The following TTK variants were observed in gnomAD, a reference collection of about 807,000 sequenced individuals.
TTK encodes TTK protein kinase.
Under a neutral mutation model 117.3 loss-of-function variants are expected in TTK, and 59 were observed. The observed-to-expected ratio is 0.50, with a 90% CI of 0.41 to 0.62. The LOEUF is 0.62. TTK is among the 20% of genes least tolerant of loss of function. TTK has a pLI of 0.00. For missense variants in TTK, 921 were observed against 989.4 expected (o/e 0.93, Z 0.93); for synonymous variants, 302 against 325.0 (o/e 0.93, Z 0.76).
At chr6:80,005,707 C>G (rs879804568) in intron 1 of TTK, 135 bp from the exon 2 acceptor site, 7 of 912,774 alleles carry the variant, frequency 7.7e-6, no homozygotes, top group Non-Finnish European at 1.2e-5. Flanking sequence ...TCCATTAATA[C>G]TAGCCTAATA....
intron 11 of TTK, among the ~76,000 whole-genome samples, chr6:80,023,137 A>G (rs189759810): frequency 2.3e-3 from 354 of 152,352 alleles, no homozygotes; most frequent in African/African-American, 8.1e-3. Flanking sequence ...TAGTAAATAT[A>G]GTAAAGGCTT....
At chr6:80,028,480 GC>G (rs1300329203) in intron 13 of TTK, among the ~76,000 whole-genome samples, 1 of 151,676 alleles carries the variant, frequency 6.6e-6, no homozygotes, top group African/African-American at 2.4e-5. Flanking sequence ...ACCACACCTG[GC>G]TAATTTTTGT....
intron 12 of TTK, 126 bp from the exon 13 acceptor site, chr6:80,027,759 A>T (rs1158641843): frequency 3.2e-6 from 2 of 624,706 alleles, no homozygotes; most frequent in Non-Finnish European, 4.9e-6. Context: ...TATATCATGA[A>T]AACTAACTTG....
chr6:80,013,645 T>A lies in TTK; in HGVS notation c.984+279T>A, dbSNP rs889447094. 7.4e-5 allele frequency: 16 copies of A among 214,980 alleles called. 1 individual carries two copies. In the South Asian group the frequency reaches 2.3e-3, roughly 31 times the overall value. The allele number at this position is 214,980 out of a possible 1,614,324, so 13.3% of individuals were successfully genotyped here. A position where few individuals can be genotyped will look rare whatever the true frequency, so the allele number is the denominator to read the frequency against. On this transcript the variant is annotated intron_variant, in intron 9 of 21. Coordinates refer to ENST00000369798, the MANE Select transcript of TTK (RefSeq NM_003318.5). Reference sequence around the variant, plus strand: ...CACGTGTTTAAGCAGATAGTTGGCCTGGGTTTGGGAATACGTGACTGGGGG... The same window carrying A: ...CACGTGTTTAAGCAGATAGTTGGCCAGGGTTTGGGAATACGTGACTGGGGG...
chr6:80,006,370 G>T (rs1766994994), intron 2 of TTK, among the ~76,000 whole-genome samples: 1 of 152,278 alleles, frequency 6.6e-6, no homozygotes. Flanking sequence ...ATGAGGAATT[G>T]AAAATAAATG....
intron 11 of TTK, 132 bp from the exon 12 acceptor site, chr6:80,026,246 G>A: frequency 1.1e-6 from 1 of 895,226 alleles, no homozygotes; most frequent in Non-Finnish European, 1.6e-6. Flanking sequence ...GTATATATAT[G>A]CCTATCTCTT....
chr6:80,007,398 A>G (rs1291812608), intron 2 of TTK, among the ~76,000 whole-genome samples: 2 of 152,142 alleles, frequency 1.3e-5, no homozygotes, highest in African/African-American at 4.8e-5. Context: ...TGAATAAATC[A>G]TTGATGGGAG....
chr6:80,039,632 T>C, intron 18 of TTK, 64 bp from the exon 19 acceptor site: 4 of 1,242,846 alleles, frequency 3.2e-6, no homozygotes, highest in Non-Finnish European at 4.3e-6. Context: ...ATTTAATATA[T>C]ATGTTTTTTC....
chr6:80,028,759 A>G (rs1034596951), intron 13 of TTK, among the ~76,000 whole-genome samples: 2 of 152,204 alleles, frequency 1.3e-5, no homozygotes, highest in African/African-American at 4.8e-5. Flanking sequence ...TTATACTAAT[A>G]ACTAAACTAA....
At chr6:80,015,568 C>G (rs1430213673) in intron 10 of TTK, among the ~76,000 whole-genome samples, 1 of 152,100 alleles carries the variant, frequency 6.6e-6, no homozygotes, top group African/African-American at 2.4e-5. Context: ...CAAACGGGGA[C>G]ACACACAAAA....
At chr6:80,017,580 A>G (rs887225999) in intron 10 of TTK, among the ~76,000 whole-genome samples, 1 of 152,108 alleles carries the variant, frequency 6.6e-6, no homozygotes, top group Admixed American at 6.6e-5. Context: ...CACCAGGCCT[A>G]ATGCTCTCTT....
intron 20 of TTK, 137 bp from the exon 21 acceptor site, chr6:80,040,469 T>C: frequency 1.1e-6 from 1 of 894,340 alleles, no homozygotes; most frequent in Non-Finnish European, 1.6e-6. Flanking sequence ...GTATTTATTT[T>C]TACTTATTCC....
intron 14 of TTK, among the ~76,000 whole-genome samples, chr6:80,033,885 G>GT (rs1767822279): frequency 6.6e-6 from 1 of 151,894 alleles, no homozygotes. Flanking sequence ...TTATTTATTT[G>GT]TTTTTTGGCT....
At chr6:80,007,088 G>T (rs1001285546) in intron 2 of TTK, among the ~76,000 whole-genome samples, 2 of 152,138 alleles carry the variant, frequency 1.3e-5, no homozygotes, top group African/African-American at 4.8e-5. Flanking sequence ...CATTTTGTCT[G>T]AAGGTTATTC....
intron 18 of TTK, among the ~76,000 whole-genome samples, chr6:80,038,616 A>C (rs895674651): frequency 6.6e-6 from 1 of 152,200 alleles, no homozygotes; most frequent in Non-Finnish European, 1.5e-5. Flanking sequence ...TACTTAGTAC[A>C]TTTATCCAGC....
At position 80,036,340 on chromosome 6, in the gene TTK, A is replaced by G. The variant is rs1031343818; in HGVS notation, c.1925-135A>G. 5.8e-6 allele frequency: 6 copies of G among 1,033,930 alleles called. No individual in the cohort carries two copies. The African/African-American group carries it at 9.8e-5, about 17-fold the overall frequency. The allele number at this position is 1,033,930 out of a possible 1,614,324, so 64.0% of individuals were successfully genotyped here. A position where few individuals can be genotyped will look rare whatever the true frequency, so the allele number is the denominator to read the frequency against. On this transcript the variant is annotated intron_variant, in intron 16 of 21. Coordinates refer to ENST00000369798, the MANE Select transcript of TTK (RefSeq NM_003318.5). The stretch of plus-strand genomic sequence containing the variant: ...TAACAAGTGCTATGTAAATATTTGC[A>G]GAATATATAAAAAAATTATTGAATT...
At chr6:80,011,076 T>G (rs1466592435) in intron 5 of TTK, 119 bp downstream of exon 5, 1 of 1,255,896 alleles carries the variant, frequency 8.0e-7, no homozygotes, top group Non-Finnish European at 1.1e-6. Flanking sequence ...AAGATTAAAT[T>G]GTAAAGGAGG....
At position 80,011,491 on chromosome 6, in the gene TTK, A is replaced by C. The variant is rs763982055; in HGVS notation, c.671A>C (p.Asn224Thr). ...SFSGSLGHLQ[N>T]RNNSCDSRGQ... ...TCCGGTTCACTTGGGCATTTACAGA[A>C]TAGGAACAACAGTTGTGATTCCAGA... Residue 224 changes from asparagine to threonine, a missense_variant, in exon 6 of 22, where the codon AAT (asparagine) becomes ACT (threonine). By Grantham distance (65) the Asn-to-Thr change is moderately conservative (BLOSUM62 0). Coordinates refer to ENST00000369798, the MANE Select transcript of TTK (RefSeq NM_003318.5). 2 of 1,610,326 alleles carry C rather than the reference A, an allele frequency of 1.2e-6. No homozygotes were observed. Among genetic ancestry groups the C allele is most frequent in the South Asian group, 2.2e-5 (2 of 90,168 alleles).
At position 80,042,167 on chromosome 6, in the gene TTK, T is replaced by TC. The variant is rs1486119022; in HGVS notation, c.2541dup (p.Lys848GlnfsTer4). 5 of 1,603,482 alleles carry TC rather than the reference T, an allele frequency of 3.1e-6. No individual in the cohort carries two copies. In the African/African-American group the frequency reaches 6.7e-5, roughly 22 times the overall value. ...TGGTGAAAGTCATAATTCTTCATCC[T>TC]CCAAGACTTTTGAAAAAAAAAGGGG... is the stretch of plus-strand genomic sequence containing the variant. On this transcript the variant is annotated frameshift_variant, in exon 22 of 22. Coordinates refer to ENST00000369798, the MANE Select transcript of TTK (RefSeq NM_003318.5). LOFTEE classifies it high-confidence loss of function.
Sources: allele counts gnomAD v4.1 joint callset (sites outside exome capture counted in the v4.1 genomes callset), GRCh38; gene constraint gnomAD v4.1.1; transcripts MANE v1.5; gene names NCBI Gene and HGNC (gene_info 2026-07-23, HGNC 2026-07-21).